Variants in LPP observed in about 807,000 individuals in gnomAD.
The protein encoded by LPP is LIM domain containing preferred translocation partner in lipoma.
A neutral mutation model predicts 60.4 loss-of-function variants in LPP; 38 were observed. The ratio of observed to expected loss-of-function variants is 0.63; its 90% confidence interval spans 0.49 to 0.83. The LOEUF (loss-of-function observed/expected upper bound fraction) is 0.83. LPP is among the 40% of genes least tolerant of loss of function. LPP has a pLI of 0.00. For missense variants in LPP, 902 were observed against 783.6 expected (o/e 1.15, Z -1.80); for synonymous variants, 328 against 290.8 (o/e 1.13, Z -1.30).
chr3:188,501,564 G>A (rs9834370), intron 5 of LPP, among the ~76,000 whole-genome samples: 118,223 of 151,670 alleles, frequency 0.78, 46,955 homozygotes, highest in Middle Eastern at 0.89. Context: ...CCTGGCTAAC[G>A]CGGTGAAACC....
chr3:188,710,253 T>C (rs1866357678), intron 8 of LPP: 1 of 152,214 alleles, frequency 6.6e-6, no homozygotes, highest in Non-Finnish European at 1.5e-5. Context: ...CTTTTATTTG[T>C]GTTGGGGTGG....
intron 7 of LPP, among the ~76,000 whole-genome samples, chr3:188,674,181 C>T (rs960142692): frequency 5.3e-5 from 8 of 152,110 alleles, no homozygotes; most frequent in Admixed American, 5.2e-4. Flanking sequence ...TCACACAGTA[C>T]ACTCTGGGAT....
intron 5 of LPP, among the ~76,000 whole-genome samples, chr3:188,506,426 C>T (rs1335129777): frequency 1.3e-5 from 2 of 152,148 alleles, no homozygotes; most frequent in Non-Finnish European, 2.9e-5. Flanking sequence ...AATATATACC[C>T]TTTTGTGGGG....
chr3:188,662,056 A>T lies in LPP; in HGVS notation c.1114-46211A>T, dbSNP rs533407248. Among the ~76,000 whole-genome samples the T allele has an allele frequency of 3.9e-5, 6 of 152,384 alleles. No individual in the cohort carries two copies. The East Asian group carries it at 1.2e-3, about 29-fold the overall frequency. ...AAGAGAGAGAAGAGAAAGGAAAAGAAGGGAGAAATGTTGACTCAATCCTGT... is the reference window on the plus strand; with the variant it reads ...AAGAGAGAGAAGAGAAAGGAAAAGATGGGAGAAATGTTGACTCAATCCTGT... On this transcript the variant is annotated intron_variant, in intron 7 of 11. Transcript: ENST00000617246.
chr3:188,319,018 A>G (rs13087727), intron 2 of LPP, among the ~76,000 whole-genome samples: 21,288 of 151,994 alleles, frequency 0.14, 1,748 homozygotes, highest in East Asian at 0.34. Flanking sequence ...TCGGCCTCCC[A>G]AAGTGCTGGG....
At chr3:188,220,406 A>G (rs1409093924) in intron 1 of LPP, among the ~76,000 whole-genome samples, 2 of 152,122 alleles carry the variant, frequency 1.3e-5, no homozygotes, top group African/African-American at 4.8e-5. Flanking sequence ...AAGGGCAGGG[A>G]GGGCATTGCA....
chr3:188,866,820 C>A (rs956037556), intron 10 of LPP, among the ~76,000 whole-genome samples: 1 of 152,182 alleles, frequency 6.6e-6, no homozygotes, highest in African/African-American at 2.4e-5. Flanking sequence ...AAGAGCTAAT[C>A]TGTGCATCCC....
intron 2 of LPP, among the ~76,000 whole-genome samples, chr3:188,267,460 C>G (rs1735984786): frequency 6.6e-6 from 1 of 152,172 alleles, no homozygotes; most frequent in Non-Finnish European, 1.5e-5. Context: ...AATGGGATGT[C>G]AAATCTCAAT....
At chr3:188,265,372 A>C (rs1735129539) in intron 2 of LPP, among the ~76,000 whole-genome samples, 1 of 152,230 alleles carries the variant, frequency 6.6e-6, no homozygotes, top group Admixed American at 6.5e-5. Flanking sequence ...CTGTCTGCGA[A>C]GAAAGAGCTC....
At chr3:188,456,301 A>G (rs1447557869) in intron 4 of LPP, among the ~76,000 whole-genome samples, 2 of 152,192 alleles carry the variant, frequency 1.3e-5, no homozygotes, top group Non-Finnish European at 2.9e-5. Context: ...ATCTTGGTGT[A>G]AGTACAGTTT....
Position 188,515,982 on chromosome 3 carries a change from C to A in LPP, c.307-8683C>A, listed in dbSNP as rs577319663. Among the ~76,000 whole-genome samples the A allele has an allele frequency of 4.3e-4, 66 of 152,260 alleles. 1 individual carries two copies. The South Asian group carries it at 0.013, about 29-fold the overall frequency. ...TGGGTATCATGGCTTTTTTACACTGCATACTACTTAGCATAAACTATTTTC... is the reference window on the plus strand; with the variant it reads ...TGGGTATCATGGCTTTTTTACACTGAATACTACTTAGCATAAACTATTTTC... On this transcript the variant is annotated intron_variant, in intron 5 of 11. Coordinates refer to ENST00000617246, the MANE Select transcript of LPP (RefSeq NM_001375462.1).
chr3:188,344,580 T>G (rs1560275261), intron 3 of LPP, among the ~76,000 whole-genome samples: 1 of 152,152 alleles, frequency 6.6e-6, no homozygotes, highest in Non-Finnish European at 1.5e-5. Context: ...ATATATGATT[T>G]TATTTCCTAG....
intron 2 of LPP, among the ~76,000 whole-genome samples, chr3:188,227,632 A>G (rs943882916): frequency 1.3e-5 from 2 of 152,122 alleles, no homozygotes; most frequent in African/African-American, 4.8e-5. Context: ...CCTCAGGCAC[A>G]GTTTGAACAG....
intron 9 of LPP, among the ~76,000 whole-genome samples, chr3:188,815,751 G>T (rs952257280): frequency 1.3e-5 from 2 of 152,186 alleles, no homozygotes; most frequent in Admixed American, 1.3e-4. Flanking sequence ...TACAGGGTCA[G>T]TCTATTTTCC....
intron 9 of LPP, among the ~76,000 whole-genome samples, chr3:188,838,440 G>A (rs894758530): frequency 1.3e-5 from 2 of 152,186 alleles, no homozygotes; most frequent in East Asian, 3.8e-4. Context: ...TTATAAAAAG[G>A]TATGGCTTAT....
At chr3:188,340,789 A>G (rs79580827) in intron 2 of LPP, among the ~76,000 whole-genome samples, 2,410 of 152,252 alleles carry the variant, frequency 0.016, 59 homozygotes, top group African/African-American at 0.055. Flanking sequence ...GACATAGATT[A>G]ATATTTCGGT....
intron 9 of LPP, among the ~76,000 whole-genome samples, chr3:188,839,578 C>A (rs1353729936): frequency 6.6e-6 from 1 of 152,110 alleles, no homozygotes; most frequent in African/African-American, 2.4e-5. Context: ...AGTACAAAAA[C>A]CAGCCTCACT....
chr3:188,531,392 A>G (rs979219595), intron 6 of LPP, among the ~76,000 whole-genome samples: 3 of 151,634 alleles, frequency 2.0e-5, no homozygotes, highest in Non-Finnish European at 4.4e-5. Flanking sequence ...ATTCTGTGGA[A>G]TTTCCTGAGT....
In LPP at chr3:188,371,641, A is replaced by T. The variant is rs372483720; in HGVS notation, c.-10+29922A>T. Among the ~76,000 whole-genome samples the T allele has an allele frequency of 7.4e-3, 237 of 32,168 alleles. 5 individuals carry two copies. Among genetic ancestry groups the T allele is most frequent in the African/African-American group, 0.015 (120 of 8,106 alleles). The allele number at this position is 32,168 out of a possible 152,430, so 21.1% of individuals were successfully genotyped here. On this transcript the variant is annotated intron_variant, in intron 3 of 11. Coordinates refer to ENST00000617246, the MANE Select transcript of LPP (RefSeq NM_001375462.1). Reference sequence around the variant, plus strand: ...AATATATATATATATATATATATATATTTTTTTTTTTTTTTTTTTTTTTTT... The same window carrying T: ...AATATATATATATATATATATATATTTTTTTTTTTTTTTTTTTTTTTTTTT...
Sources: gnomAD v4.1 joint callset for allele counts (sites outside exome capture counted in the v4.1 genomes callset) on GRCh38, gnomAD v4.1.1 for gene constraint, MANE v1.5 for transcripts, NCBI Gene and HGNC (gene_info 2026-07-23, HGNC 2026-07-21) for gene names.